The following WDFY2 variants were observed in gnomAD, a reference collection of about 807,000 sequenced individuals.
WDFY2 encodes WD repeat and FYVE domain containing 2.
In WDFY2, 36 loss-of-function variants were observed where a neutral mutation model predicts 56.4. The observed-to-expected ratio is 0.64, with a 90% CI of 0.49 to 0.84. The LOEUF is 0.84. Among genes scored for constraint, WDFY2 ranks in the 40% least tolerant of loss-of-function variants. The pLI, the probability that WDFY2 is intolerant of heterozygous loss-of-function variation, is 0.00. For synonymous variants in WDFY2, 176 were observed against 183.7 expected (o/e 0.96, Z 0.34); for missense variants, 444 against 512.2 (o/e 0.87, Z 1.29).
chr13:51,668,861 G>A (rs922105458), intron 2 of WDFY2, among the ~76,000 whole-genome samples: 7 of 152,170 alleles, frequency 4.6e-5, no homozygotes, highest in African/African-American at 1.7e-4. Context: ...TGAAACTTGT[G>A]TTTATTTGAG....
intron 1 of WDFY2, among the ~76,000 whole-genome samples, chr13:51,628,499 G>C (rs1954881866): frequency 6.6e-6 from 1 of 152,190 alleles, no homozygotes; most frequent in Non-Finnish European, 1.5e-5. Flanking sequence ...CAGCTGGATG[G>C]CTGCAGCTAC....
At chr13:51,745,710 G>A (rs1385038454) in intron 7 of WDFY2, among the ~76,000 whole-genome samples, 3 of 123,870 alleles carry the variant, frequency 2.4e-5, no homozygotes, top group Admixed American at 1.9e-4. Context: ...CCCTGTGATC[G>A]TAATAATCTC....
chr13:51,693,161 A>G (rs1951782493), intron 3 of WDFY2, among the ~76,000 whole-genome samples: 1 of 152,050 alleles, frequency 6.6e-6, no homozygotes, highest in Non-Finnish European at 1.5e-5. Context: ...GGATTCATTA[A>G]TTTTTTGAAG....
At chr13:51,666,908 T>C (rs1955713718) in intron 2 of WDFY2, among the ~76,000 whole-genome samples, 1 of 152,208 alleles carries the variant, frequency 6.6e-6, no homozygotes, top group Admixed American at 6.5e-5. Flanking sequence ...TAAATTCAAC[T>C]TCCAAAAATG....
chr13:51,688,423 C>T (rs1449871361), intron 3 of WDFY2, among the ~76,000 whole-genome samples: 2 of 152,086 alleles, frequency 1.3e-5, no homozygotes, highest in African/African-American at 4.8e-5. Context: ...TGAGGGGGCT[C>T]TTTGAGGTTT....
At chr13:51,648,592 C>T (rs138209728) in intron 1 of WDFY2, among the ~76,000 whole-genome samples, 151 of 152,140 alleles carry the variant, frequency 9.9e-4, no homozygotes, top group African/African-American at 3.4e-3. Flanking sequence ...ATCAAACATC[C>T]GTTTTAACCT....
chr13:51,665,012 TG>T, intron 2 of WDFY2, among the ~76,000 whole-genome samples: 1 of 152,214 alleles, frequency 6.6e-6, no homozygotes. Flanking sequence ...TACAGTCTGG[TG>T]GGGAAGGCAG....
At chr13:51,609,021 G>C (rs1236532761) in intron 1 of WDFY2, among the ~76,000 whole-genome samples, 1 of 152,118 alleles carries the variant, frequency 6.6e-6, no homozygotes, top group Non-Finnish European at 1.5e-5. Context: ...ATGTTGTTGT[G>C]TGTGTGTGGG....
At chr13:51,728,822 C>T (rs1417364215) in intron 6 of WDFY2, among the ~76,000 whole-genome samples, 2 of 152,112 alleles carry the variant, frequency 1.3e-5, no homozygotes, top group Non-Finnish European at 2.9e-5. Flanking sequence ...TCTTTTTTAG[C>T]CGCTTACACC....
rs897491383 is a variant in WDFY2, at chr13:51,765,792, T to A, written c.*6023T>A. 1 of 152,188 alleles carries A rather than the reference T, an allele frequency of 6.6e-6. No homozygotes were observed. Among genetic ancestry groups the A allele is most frequent in the African/African-American group, 2.4e-5 (1 of 41,440 alleles). The allele number at this position is 152,188 out of a possible 1,614,324, so 9.4% of individuals were successfully genotyped here. On this transcript the variant is annotated 3_prime_UTR_variant, in exon 12 of 12. Transcript: ENST00000298125. ...TCATGAGTTTGTAGGGCAAAAAAAATTCTTTTTAAAGATGGTAAGGGTGGA... is the reference window on the plus strand; with the variant it reads ...TCATGAGTTTGTAGGGCAAAAAAAAATCTTTTTAAAGATGGTAAGGGTGGA...
intron 4 of WDFY2, among the ~76,000 whole-genome samples, chr13:51,707,939 CTTTTTTTTTTTTTTTTTTTT>C (rs56054205): frequency 5.2e-5 from 3 of 57,570 alleles, no homozygotes; most frequent in African/African-American, 1.4e-4. Flanking sequence ...CCTAAAACAA[CTTTTTTTTTTTTTTTTTTTT>C]TTTTTTTTTT....
intron 7 of WDFY2, among the ~76,000 whole-genome samples, chr13:51,740,140 G>A (rs912698282): frequency 6.6e-5 from 10 of 152,322 alleles, no homozygotes; most frequent in African/African-American, 2.2e-4. Context: ...AATCTAGTTT[G>A]GAGTTGTTGG....
At chr13:51,718,673 A>G (rs919251352) in intron 4 of WDFY2, among the ~76,000 whole-genome samples, 2 of 151,866 alleles carry the variant, frequency 1.3e-5, no homozygotes, top group Non-Finnish European at 2.9e-5. Context: ...CTTTCCATGC[A>G]TTTAATTTCT....
intron 7 of WDFY2, among the ~76,000 whole-genome samples, chr13:51,741,026 T>G (rs1952960294): frequency 6.6e-6 from 1 of 152,212 alleles, no homozygotes; most frequent in African/African-American, 2.4e-5. Flanking sequence ...TCTGGGAAAC[T>G]TACGCCTACA....
intron 6 of WDFY2, among the ~76,000 whole-genome samples, chr13:51,731,849 C>T (rs755083914): frequency 1.1e-4 from 17 of 152,178 alleles, no homozygotes; most frequent in Non-Finnish European, 1.8e-4. Flanking sequence ...AGTATGTGTC[C>T]AGAGTCGTAG....
intron 1 of WDFY2, among the ~76,000 whole-genome samples, chr13:51,634,851 A>G (rs537142364): frequency 6.6e-6 from 1 of 152,204 alleles, no homozygotes; most frequent in African/African-American, 2.4e-5. Flanking sequence ...GGATTTATCC[A>G]TAGGTCAGAG....
intron 2 of WDFY2, among the ~76,000 whole-genome samples, chr13:51,670,658 G>A (rs532157916): frequency 6.6e-6 from 1 of 152,192 alleles, no homozygotes; most frequent in South Asian, 2.1e-4. Context: ...CTGGGTTCAG[G>A]CATATAGGTT....
intron 1 of WDFY2, among the ~76,000 whole-genome samples, chr13:51,633,254 T>C (rs1470252751): frequency 6.6e-6 from 1 of 152,232 alleles, no homozygotes; most frequent in Non-Finnish European, 1.5e-5. Context: ...GAGCTGTCAG[T>C]AGGCTCTGAA....
chr13:51,646,711 A>G (rs1450327953), intron 1 of WDFY2, among the ~76,000 whole-genome samples: 2 of 152,244 alleles, frequency 1.3e-5, no homozygotes, highest in East Asian at 3.8e-4. Flanking sequence ...TCTAGAGTTT[A>G]GTAGTCTTGG....
Sources: gnomAD v4.1 joint callset for allele counts (sites outside exome capture counted in the v4.1 genomes callset) on GRCh38, gnomAD v4.1.1 for gene constraint, MANE v1.5 for transcripts, NCBI Gene and HGNC (gene_info 2026-07-23, HGNC 2026-07-21) for gene names.